The following TFG variants were observed in gnomAD, a reference collection of about 807,000 sequenced individuals.
TFG encodes protein TFG.
Under a neutral mutation model 51.4 loss-of-function variants are expected in TFG, and 22 were observed. The observed-to-expected ratio is 0.43, with a 90% CI of 0.31 to 0.61. The LOEUF (loss-of-function observed/expected upper bound fraction) is 0.61. Ranked by LOEUF, TFG falls within the 20% of genes least tolerant of loss-of-function variation. The pLI, the probability that TFG is intolerant of heterozygous loss-of-function variation, is 0.12. For missense variants in TFG, 419 were observed against 487.7 expected, an observed-to-expected ratio of 0.86 and a Z score of 1.33; for synonymous variants, 187 against 165.6, an observed-to-expected ratio of 1.13 and a Z score of -0.99.
At chr3:100,714,534 G>C (rs918808917) in intron 2 of TFG, among the ~76,000 whole-genome samples, 1 of 150,902 alleles carries the variant, frequency 6.6e-6, no homozygotes, top group Non-Finnish European at 1.5e-5. Flanking sequence ...TTTATTAGAA[G>C]GGAATTTTAA....
At chr3:100,744,807 T>TTGTGTGTGTG in intron 6 of TFG, 26 bp from the exon 7 acceptor site, 2 of 1,419,718 alleles carry the variant, frequency 1.4e-6, no homozygotes, top group Non-Finnish European at 2.0e-6. Flanking sequence ...CCTTTTTTCC[T>TTGTGTGTGTG]TGTGTGTGTG....
chr3:100,733,726 T>C (rs1194147434), intron 5 of TFG, among the ~76,000 whole-genome samples: 1 of 152,182 alleles, frequency 6.6e-6, no homozygotes, highest in East Asian at 1.9e-4. Context: ...TGACTTGGAC[T>C]TATATTCTTT....
intron 2 of TFG, 32 bp downstream of exon 2, chr3:100,713,901 T>G: frequency 1.6e-6 from 2 of 1,262,408 alleles, no homozygotes; most frequent in Non-Finnish European, 1.1e-6. Context: ...TTTTTTAAAG[T>G]CTTTTTAAAA....
rs2095023774 is a variant in TFG, at chr3:100,709,712, C to T, written c.-53C>T. 1 of 150,816 alleles carries T rather than the reference C, an allele frequency of 6.6e-6. No homozygotes were observed. The highest frequency in any genetic ancestry group is 2.0e-4 in the East Asian group (1 of 5,062). The allele number at this position is 150,816 out of a possible 1,614,324, so 9.3% of individuals were successfully genotyped here. A position where few individuals can be genotyped will look rare whatever the true frequency, so the allele number is the denominator to read the frequency against. On this transcript the variant is annotated 5_prime_UTR_variant, in exon 1 of 8. Transcript: ENST00000240851. ...TGCGGAGAGGCGGCGGCCGCGGCCT[C>T]CGCAAGCCGGTATGGCCACTGGAGA... is the stretch of plus-strand genomic sequence containing the variant.
intron 6 of TFG, among the ~76,000 whole-genome samples, chr3:100,739,293 T>C (rs533236015): frequency 6.6e-6 from 1 of 152,286 alleles, no homozygotes; most frequent in Admixed American, 6.5e-5. Flanking sequence ...GTTACTTAAC[T>C]CCCATAAAAG....
At chr3:100,726,655 A>T (rs1260621910) in intron 3 of TFG, among the ~76,000 whole-genome samples, 1 of 152,240 alleles carries the variant, frequency 6.6e-6, no homozygotes, top group East Asian at 1.9e-4. Context: ...AGTGTGCTCC[A>T]AAGACCACCA....
At position 100,713,603 on chromosome 3, in the gene TFG, G is replaced by T; in HGVS notation, c.-43-40G>T. ...AGTAGCTTTGCTCTCAACTTTTACG[G>T]TATGTTTTGTTGTTTAATTATCAAA... On this transcript the variant is annotated intron_variant, in intron 1 of 7. Transcript: ENST00000240851. 2.0e-6 allele frequency: 2 copies of T among 985,782 alleles called. 1 individual carries two copies. Among genetic ancestry groups the T allele is most frequent in the Middle Eastern group, 4.7e-4 (2 of 4,278 alleles). The allele number at this position is 985,782 out of a possible 1,614,324, so 61.1% of individuals were successfully genotyped here.
Position 100,736,664 on chromosome 3 carries a change from G to A in TFG, c.669G>A (p.Gln223=), listed in dbSNP as rs1206416143. 1 of 1,613,998 alleles carries A rather than the reference G, an allele frequency of 6.2e-7. No individual in the cohort carries two copies. Among genetic ancestry groups the A allele is most frequent in the Non-Finnish European group, 8.5e-7 (1 of 1,179,960 alleles). The change falls in exon 6 of 8, where the codon CAG becomes CAA. Residue 223 remains glutamine (Q), a synonymous_variant. Coordinates refer to ENST00000240851, the MANE Select transcript of TFG (RefSeq NM_006070.6). The part of the protein sequence containing the change: ...SSSAAHPPGV[Q]PQQPPYTGAQ... The stretch of plus-strand genomic sequence containing the variant: ...CAGCAGCTCACCCACCAGGCGTTCA[G>A]CCACAGCAGCCACCATATACAGGAG...
At chr3:100,723,663 C>T (rs1040982244) in intron 3 of TFG, among the ~76,000 whole-genome samples, 8 of 152,082 alleles carry the variant, frequency 5.3e-5, no homozygotes, top group Admixed American at 4.6e-4. Context: ...TTCACTAGGA[C>T]TATATAGCAA....
At chr3:100,720,758 A>T (rs1469199507) in intron 3 of TFG, among the ~76,000 whole-genome samples, 1 of 152,238 alleles carries the variant, frequency 6.6e-6, no homozygotes. Context: ...GATAAAAACC[A>T]ATAGAAGACT....
At chr3:100,720,482 A>G (rs549117251) in intron 3 of TFG, among the ~76,000 whole-genome samples, 2 of 152,356 alleles carry the variant, frequency 1.3e-5, no homozygotes, top group South Asian at 2.1e-4. Flanking sequence ...GGTTTCGTGT[A>G]AGACAGTTCT....
chr3:100,732,455 C>T, intron 4 of TFG, 53 bp from the exon 5 acceptor site: 1 of 1,396,518 alleles, frequency 7.2e-7, no homozygotes, highest in Non-Finnish European at 9.9e-7. Context: ...TTAGGCCTTA[C>T]TGAATATAGA....
intron 4 of TFG, among the ~76,000 whole-genome samples, chr3:100,730,720 G>A (rs2095089243): frequency 6.6e-6 from 1 of 152,140 alleles, no homozygotes; most frequent in African/African-American, 2.4e-5. Flanking sequence ...TTGGATGCTT[G>A]TTTTCCTTTA....
Position 100,736,723 on chromosome 3 carries a change from T to C in TFG, c.721+7T>C. 2 of 1,613,248 alleles carry C rather than the reference T, an allele frequency of 1.2e-6. No homozygotes were observed. The highest frequency in any genetic ancestry group is 1.1e-5 in the South Asian group (1 of 91,032). On this transcript the variant is annotated splice_region_variant and intron_variant, in intron 6 of 7. Transcript: ENST00000240851. The stretch of plus-strand genomic sequence containing the variant: ...CAAGCAGGTCAGATTGAAGGTAAAA[T>C]AGAGTTTAGAACACATGTTTGGGAA...
Position 100,748,456 on chromosome 3 carries a change from T to C in TFG, c.1128T>C (p.Ser376=). ...LPGSTMTPPP[S]GPNPYARNRP... ...GAAGTACCATGACCCCTCCTCCAAG[T>C]GGGCCTAATCCTTATGCGCGTAACC... The change falls in exon 8 of 8, where the codon AGT becomes AGC. Residue 376 remains serine (S), a synonymous_variant. Transcript: ENST00000240851. 6.2e-7 allele frequency: 1 copy of C among 1,614,126 alleles called. No homozygotes were observed. Among genetic ancestry groups the C allele is most frequent in the Non-Finnish European group, 8.5e-7 (1 of 1,180,002 alleles).
At chr3:100,723,376 T>TAA (rs1214501715) in intron 3 of TFG, among the ~76,000 whole-genome samples, 1 of 151,954 alleles carries the variant, frequency 6.6e-6, no homozygotes, top group Non-Finnish European at 1.5e-5. Flanking sequence ...GGTGGCGGAA[T>TAA]AAAAGAGGTA....
In TFG at chr3:100,732,564, A is replaced by G. The variant is rs1426817789; in HGVS notation, c.472A>G (p.Thr158Ala). 3 of 1,613,006 alleles carry G rather than the reference A, an allele frequency of 1.9e-6. No homozygotes were observed. The highest frequency in any genetic ancestry group is 2.2e-5 in the South Asian group (2 of 90,922). Residue 158 changes from threonine to alanine, a missense_variant, in exon 5 of 8, where the codon ACT (threonine) becomes GCT (alanine). Thr to Ala is a moderately conservative substitution (Grantham distance 58). Coordinates refer to ENST00000240851, the MANE Select transcript of TFG (RefSeq NM_006070.6). The part of the protein sequence containing the change: ...SASDSSGKQS[T>A]QVMAASMSAF... Reference sequence around the variant, plus strand: ...TTCTGATTCTTCTGGAAAACAGTCTACTCAGGTTATGGCAGCAAGTATGTC... The same window carrying G: ...TTCTGATTCTTCTGGAAAACAGTCTGCTCAGGTTATGGCAGCAAGTATGTC...
rs2095136048 is a variant in TFG at position 100,746,767 on chromosome 3, TC to T, written c.821-1381del. Among the ~76,000 whole-genome samples the T allele has an allele frequency of 2.0e-5, 3 of 152,064 alleles. No individual in the cohort carries two copies. In the South Asian group the frequency reaches 6.2e-4, roughly 32 times the overall value. On this transcript the variant is annotated intron_variant, in intron 7 of 7. Transcript: ENST00000240851. ...CCAGGCCCAGTTAAAAAAAAACAAT[TC>T]AGATTTCAGGTGCCAGGATGAAAAG... is the stretch of plus-strand genomic sequence containing the variant.
chr3:100,713,987 A>G (rs2095038417), intron 2 of TFG, 118 bp downstream of exon 2: 1 of 554,360 alleles, frequency 1.8e-6, no homozygotes, highest in South Asian at 4.7e-5. Context: ...TGTCACCTCA[A>G]ACTCCTGGGC....
Sources: allele counts gnomAD v4.1 joint callset (sites outside exome capture counted in the v4.1 genomes callset), GRCh38; gene constraint gnomAD v4.1.1; transcripts MANE v1.5; gene names NCBI Gene and HGNC (gene_info 2026-07-23, HGNC 2026-07-21).